Variants in REEP1 observed in about 807,000 individuals in gnomAD.
REEP1 encodes receptor accessory protein 1.
A neutral mutation model predicts 40.3 loss-of-function variants in REEP1; 22 were observed. That is an observed-to-expected ratio of 0.55 (90% CI 0.39 to 0.78). REEP1 has a LOEUF of 0.78. Among genes scored for constraint, REEP1 ranks in the 30% least tolerant of loss-of-function variants. The probability of loss-of-function intolerance (pLI) is 0.00; values close to 1 mark genes in which losing one functional copy is unlikely to be tolerated. For missense variants in REEP1, 280 were observed against 361.1 expected, an observed-to-expected ratio of 0.78 and a Z score of 1.82; for synonymous variants, 116 against 139.2, an observed-to-expected ratio of 0.83 and a Z score of 1.17.
rs181677596 is a variant in REEP1 at position 86,252,219 on chromosome 2, G to A, written c.304-149C>T. The A allele has an allele frequency of 3.9e-4, 271 of 703,396 alleles. No individual in the cohort carries two copies. The highest frequency in any genetic ancestry group is 1.2e-3 in the Admixed American group (60 of 49,994). The allele number at this position is 703,396 out of a possible 1,614,324, so 43.6% of individuals were successfully genotyped here. On this transcript the variant is annotated intron_variant, in intron 4 of 8. Transcript: ENST00000538924. ...AGCTGTAGGCACTTTGAAGGTGTGC[G>A]TGCAGAGGGGAGAGCAGAGATACAG...
chr2:86,297,456 C>T (rs1015687147), intron 1 of REEP1, among the ~76,000 whole-genome samples: 1 of 152,250 alleles, frequency 6.6e-6, no homozygotes, highest in South Asian at 2.1e-4. Context: ...AAGGGAAGCT[C>T]TGACCAGAGG....
Position 86,316,230 on chromosome 2 carries a change from C to T in REEP1, c.32+21249G>A, listed in dbSNP as rs145542015. Among the ~76,000 whole-genome samples the T allele has an allele frequency of 8.5e-3, 1,287 of 152,172 alleles. 32 individuals are homozygous for T. Among genetic ancestry groups the T allele is most frequent in the African/African-American group, 0.029 (1,192 of 41,496 alleles). ...ACCAAAAGAATTTTAACTGATATAC[C>T]TGCAAACCTAAAAAATAATCTAAAG... On this transcript the variant is annotated intron_variant, in intron 1 of 8. Transcript: ENST00000538924.
intron 5 of REEP1, among the ~76,000 whole-genome samples, chr2:86,242,513 G>A (rs960030724): frequency 4.5e-5 from 3 of 66,162 alleles, no homozygotes. Flanking sequence ...TTAACCTGGA[G>A]GAGATGGCAT....
rs1333729770 is a variant in REEP1 at position 86,215,842 on chromosome 2, C to T, written c.*1197G>A. 6.6e-6 allele frequency: 1 copy of T among 152,230 alleles called. No homozygotes were observed. Among genetic ancestry groups the T allele is most frequent in the African/African-American group, 2.4e-5 (1 of 41,428 alleles). The allele number at this position is 152,230 out of a possible 1,614,324, so 9.4% of individuals were successfully genotyped here. On this transcript the variant is annotated 3_prime_UTR_variant, in exon 9 of 9. Transcript: ENST00000538924. Reference sequence around the variant, plus strand: ...TCTGCTGTTTACATTCTGCACAGGCCAGGAGGGGAACAGAAGGTGTGAGCC... The same window carrying T: ...TCTGCTGTTTACATTCTGCACAGGCTAGGAGGGGAACAGAAGGTGTGAGCC...
chr2:86,293,447 A>G (rs944263881), intron 1 of REEP1, among the ~76,000 whole-genome samples: 1 of 152,182 alleles, frequency 6.6e-6, no homozygotes, highest in African/African-American at 2.4e-5. Context: ...GAAGATGATG[A>G]CTACAAAGGG....
At chr2:86,280,101 A>G (rs1315236322) in intron 2 of REEP1, 5 of 451,640 alleles carry the variant, frequency 1.1e-5, no homozygotes, top group Non-Finnish European at 2.2e-5. Context: ...GGGTGTGTTA[A>G]GGAAACTCGC....
chr2:86,222,417 T>C (rs1469718638), intron 7 of REEP1, among the ~76,000 whole-genome samples: 1 of 152,196 alleles, frequency 6.6e-6, no homozygotes, highest in Non-Finnish European at 1.5e-5. Context: ...GAGAACCTCC[T>C]AAGAAGATAA....
At chr2:86,232,506 C>G in intron 6 of REEP1, 119 bp downstream of exon 6, 1 of 1,216,442 alleles carries the variant, frequency 8.2e-7, no homozygotes, top group Non-Finnish European at 1.2e-6. Context: ...GATGGACACC[C>G]CGTTGGTGGC....
chr2:86,290,755 C>G (rs1487097604), intron 1 of REEP1, among the ~76,000 whole-genome samples: 1 of 152,208 alleles, frequency 6.6e-6, no homozygotes, highest in Admixed American at 6.5e-5. Context: ...TCGTCACTCA[C>G]GATGGTTCTC....
chr2:86,286,305 T>C (rs998606805), intron 1 of REEP1, among the ~76,000 whole-genome samples: 2 of 152,168 alleles, frequency 1.3e-5, no homozygotes, highest in African/African-American at 4.8e-5. Flanking sequence ...CTAGAGACAC[T>C]CTGGTTGTCT....
At chr2:86,245,766 T>A (rs1483327659) in intron 5 of REEP1, among the ~76,000 whole-genome samples, 1 of 146,382 alleles carries the variant, frequency 6.8e-6, no homozygotes, top group East Asian at 2.0e-4. Flanking sequence ...TATACTCAAT[T>A]TTTTTTTTTT....
intron 2 of REEP1, among the ~76,000 whole-genome samples, chr2:86,272,534 C>G (rs898851454): frequency 1.3e-5 from 2 of 152,218 alleles, no homozygotes; most frequent in Non-Finnish European, 2.9e-5. Context: ...CACTTCTTCT[C>G]AGTGTCTTCA....
At chr2:86,283,218 A>G (rs1678194705) in intron 1 of REEP1, among the ~76,000 whole-genome samples, 1 of 152,194 alleles carries the variant, frequency 6.6e-6, no homozygotes, top group African/African-American at 2.4e-5. Context: ...AGGGCAGATA[A>G]TGGATCTGTT....
chr2:86,266,550 C>T (rs907862787), intron 2 of REEP1, among the ~76,000 whole-genome samples: 23 of 150,666 alleles, frequency 1.5e-4, no homozygotes, highest in East Asian at 3.9e-4. Context: ...ACCCGGGAAG[C>T]GGAGCTTGCA....
intron 1 of REEP1, among the ~76,000 whole-genome samples, chr2:86,318,057 A>G (rs1034856618): frequency 6.6e-6 from 1 of 152,256 alleles, no homozygotes; most frequent in African/African-American, 2.4e-5. Context: ...TTATCCTACC[A>G]TTAACTTAAC....
At chr2:86,248,660 AGCTGGT>A (rs1359602629) in intron 5 of REEP1, among the ~76,000 whole-genome samples, 1 of 151,974 alleles carries the variant, frequency 6.6e-6, no homozygotes, top group Admixed American at 6.5e-5. Context: ...ATGTTACCCA[AGCTGGT>A]CTCTAACTCC....
At chr2:86,332,671 A>G (rs1247671323) in intron 1 of REEP1, among the ~76,000 whole-genome samples, 2 of 152,212 alleles carry the variant, frequency 1.3e-5, no homozygotes, top group East Asian at 3.9e-4. Context: ...CTCACTTGTC[A>G]GCTAACCTCA....
At chr2:86,256,791 C>T (rs1676586157) in intron 3 of REEP1, among the ~76,000 whole-genome samples, 1 of 152,090 alleles carries the variant, frequency 6.6e-6, no homozygotes, top group African/African-American at 2.4e-5. Flanking sequence ...AAAACAAATC[C>T]CAGGTATCCT....
intron 5 of REEP1, among the ~76,000 whole-genome samples, chr2:86,240,834 G>T (rs1038053117): frequency 6.6e-6 from 1 of 152,194 alleles, no homozygotes; most frequent in African/African-American, 2.4e-5. Context: ...CAGCAGGCAC[G>T]TGGTTATCTG....
Sources: gnomAD v4.1 joint callset for allele counts (sites outside exome capture counted in the v4.1 genomes callset) on GRCh38, gnomAD v4.1.1 for gene constraint, MANE v1.5 for transcripts, NCBI Gene and HGNC (gene_info 2026-07-23, HGNC 2026-07-21) for gene names.